CUL4A: variants seen among roughly 807,000 people sequenced by gnomAD.
The protein encoded by CUL4A is cullin-4A.
A neutral mutation model predicts 95.5 loss-of-function variants in CUL4A; 16 were observed. The observed-to-expected ratio is 0.17, with a 90% CI of 0.11 to 0.25. The LOEUF is 0.25. Ranked by LOEUF, CUL4A falls within the 10% of genes least tolerant of loss-of-function variation. CUL4A has a pLI of 1.00. For synonymous variants in CUL4A, 380 were observed against 353.1 expected (o/e 1.08, Z -0.85); for missense variants, 610 against 937.0 (o/e 0.65, Z 4.56).
intron 15 of CUL4A, among the ~76,000 whole-genome samples, chr13:113,247,864 A>G (rs2041895740): frequency 6.6e-6 from 1 of 151,972 alleles, no homozygotes; most frequent in Non-Finnish European, 1.5e-5. Context: ...TAATACTTTC[A>G]CCCCATTTCT....
chr13:113,228,873 C>T (rs1260078337), intron 4 of CUL4A, among the ~76,000 whole-genome samples: 1 of 152,064 alleles, frequency 6.6e-6, no homozygotes, highest in African/African-American at 2.4e-5. Flanking sequence ...GTAATCCCAG[C>T]TCTTTGGGAG....
At chr13:113,261,759 G>T (rs1435552462) in intron 19 of CUL4A, among the ~76,000 whole-genome samples, 1 of 69,180 alleles carries the variant, frequency 1.4e-5, no homozygotes, top group East Asian at 4.9e-4. Flanking sequence ...GCAGACCAGG[G>T]CGCCCGCTCT....
rs2042076037 is a variant in CUL4A, at chr13:113,254,633, T to G, written c.1753-60T>G. ...TTTGAGAGCAAAAAGAAGCTTCTTT[T>G]AATTTTTCAAAGATTGTACATGCAC... On this transcript the variant is annotated intron_variant, in intron 16 of 19. Transcript: ENST00000375440. The G allele has an allele frequency of 5.0e-6, 6 of 1,195,204 alleles. No individual in the cohort carries two copies. The South Asian group carries it at 8.8e-5, about 17-fold the overall frequency. 74.0% of individuals were successfully genotyped at this position (1,195,204 alleles called of 1,614,324 possible). A position where few individuals can be genotyped will look rare whatever the true frequency, so the allele number is the denominator to read the frequency against.
chr13:113,256,926 G>GTTGTT (rs2042137847), intron 18 of CUL4A, among the ~76,000 whole-genome samples: 2 of 47,374 alleles, frequency 4.2e-5, no homozygotes. Context: ...TTTTTTTTTC[G>GTTGTT]TTTTTTTTTT....
At chr13:113,213,215 C>T (rs1208482610) in intron 2 of CUL4A, among the ~76,000 whole-genome samples, 1 of 152,064 alleles carries the variant, frequency 6.6e-6, no homozygotes, top group Non-Finnish European at 1.5e-5. Context: ...TGGTGAAACC[C>T]CATCTCTACA....
At chr13:113,246,670 C>CA (rs1237489003) in intron 15 of CUL4A, among the ~76,000 whole-genome samples, 1 of 152,216 alleles carries the variant, frequency 6.6e-6, no homozygotes, top group Non-Finnish European at 1.5e-5. Context: ...AAGAAAGACA[C>CA]ACAGCTACAG....
intron 2 of CUL4A, among the ~76,000 whole-genome samples, chr13:113,215,692 TC>T (rs1186418455): frequency 3.4e-5 from 5 of 148,958 alleles, no homozygotes; most frequent in East Asian, 2.0e-4. Context: ...GGAGGTCGCG[TC>T]CCATGTGGCT....
upstream of CUL4A, chr13:113,208,546 G>A: frequency 1.9e-6 from 3 of 1,591,896 alleles, no homozygotes; most frequent in African/African-American, 1.3e-5. Flanking sequence ...GGGGACACAC[G>A]GAACACGCCG....
chr13:113,255,659 T>C (rs889675292), intron 18 of CUL4A, among the ~76,000 whole-genome samples: 5 of 152,160 alleles, frequency 3.3e-5, no homozygotes, highest in South Asian at 2.1e-4. Context: ...GGAGTCATAG[T>C]GTATATAGCC....
chr13:113,231,400 T>C (rs1261727878), intron 5 of CUL4A, among the ~76,000 whole-genome samples: 1 of 152,108 alleles, frequency 6.6e-6, no homozygotes, highest in East Asian at 1.9e-4. Flanking sequence ...CTCCTGCTAG[T>C]GATGGCTAGG....
At chr13:113,218,130 C>T (rs536557615) in intron 2 of CUL4A, among the ~76,000 whole-genome samples, 8 of 152,044 alleles carry the variant, frequency 5.3e-5, no homozygotes, top group East Asian at 1.9e-4. Context: ...CCCAGCTACT[C>T]GGGAGGCTGA....
At chr13:113,259,105 T>C (rs2139302080) in intron 18 of CUL4A, among the ~76,000 whole-genome samples, 1 of 152,382 alleles carries the variant, frequency 6.6e-6, no homozygotes, top group African/African-American at 2.4e-5. Flanking sequence ...TACAAAACTC[T>C]TTAGCTTTGA....
At chr13:113,250,663 A>G (rs938828284) in intron 15 of CUL4A, among the ~76,000 whole-genome samples, 4 of 152,152 alleles carry the variant, frequency 2.6e-5, no homozygotes, top group Non-Finnish European at 5.9e-5. Flanking sequence ...TAGGAAAGAT[A>G]TGCACTAAGA....
At chr13:113,235,010 A>C (rs1308214222) in intron 7 of CUL4A, 53 bp from the exon 8 acceptor site, 1 of 1,288,200 alleles carries the variant, frequency 7.8e-7, no homozygotes, top group Non-Finnish European at 1.1e-6. Flanking sequence ...AATTTCTTGG[A>C]TAGTGTCGAC....
intron 2 of CUL4A, among the ~76,000 whole-genome samples, chr13:113,212,003 G>A (rs1410197466): frequency 6.6e-6 from 1 of 152,204 alleles, no homozygotes; most frequent in African/African-American, 2.4e-5. Context: ...TGTAACTTTA[G>A]CTGTGCTTGT....
chr13:113,209,023 G>C (rs935334705), upstream of CUL4A: 5 of 599,966 alleles, frequency 8.3e-6, no homozygotes, highest in African/African-American at 1.0e-4. Context: ...CAGGGCCTCG[G>C]GGCGCGCGCG....
chr13:113,231,089 T>C (rs141252121), intron 5 of CUL4A, among the ~76,000 whole-genome samples: 2,987 of 152,294 alleles, frequency 0.02, 46 homozygotes, highest in Non-Finnish European at 0.027. Flanking sequence ...TCTTAATTTA[T>C]AAACATAGTT....
intron 10 of CUL4A, among the ~76,000 whole-genome samples, chr13:113,241,701 A>T (rs1367288568): frequency 6.6e-6 from 1 of 151,780 alleles, no homozygotes; most frequent in South Asian, 2.1e-4. Flanking sequence ...TTTAGTAGAG[A>T]TGGGGTTTCA....
intron 2 of CUL4A, among the ~76,000 whole-genome samples, chr13:113,213,674 A>G (rs1330844229): frequency 6.6e-6 from 1 of 152,232 alleles, no homozygotes; most frequent in African/African-American, 2.4e-5. Flanking sequence ...TAAAACAATC[A>G]CTAGATATTA....
Sources: allele counts gnomAD v4.1 joint callset (sites outside exome capture counted in the v4.1 genomes callset), GRCh38; gene constraint gnomAD v4.1.1; transcripts MANE v1.5; gene names NCBI Gene and HGNC (gene_info 2026-07-23, HGNC 2026-07-21).